Variants in RORA observed in about 807,000 individuals in gnomAD.
The protein encoded by RORA is RAR related orphan receptor A.
A neutral mutation model predicts 69.5 loss-of-function variants in RORA; 7 were observed. That is an observed-to-expected ratio of 0.10 (90% CI 0.06 to 0.19). The LOEUF (loss-of-function observed/expected upper bound fraction) is 0.19. RORA is among the 10% of genes least tolerant of loss of function. The pLI, the probability that RORA is intolerant of heterozygous loss-of-function variation, is 1.00. For synonymous variants in RORA, 261 were observed against 240.8 expected, an observed-to-expected ratio of 1.08 and a Z score of -0.78; for missense variants, 457 against 663.0, an observed-to-expected ratio of 0.69 and a Z score of 3.41.
intron 2 of RORA, among the ~76,000 whole-genome samples, chr15:60,665,867 G>A (rs2070371984): frequency 6.6e-6 from 1 of 152,056 alleles, no homozygotes; most frequent in Non-Finnish European, 1.5e-5. Context: ...TAAAGACGGG[G>A]TTTCCCCATG....
intron 1 of RORA, among the ~76,000 whole-genome samples, chr15:61,141,648 T>C (rs924779058): frequency 1.3e-5 from 2 of 152,094 alleles, no homozygotes; most frequent in African/African-American, 4.8e-5. Flanking sequence ...TACGGCTTGA[T>C]TTCATAAGGA....
At position 61,039,512 on chromosome 15, in the gene RORA, G is replaced by A. The variant is rs117072757; in HGVS notation, c.166+189541C>T. Among the ~76,000 whole-genome samples the A allele has an allele frequency of 4.3e-3, 656 of 152,090 alleles. 39 individuals are homozygous for A. In the East Asian group the frequency reaches 0.11, roughly 25 times the overall value. ...AGGCAGATCACGAGGTCATGAGTTC[G>A]AGGCAGGCAGATCACGAGGTCAGGA... On this transcript the variant is annotated intron_variant, in intron 1 of 10. Transcript: ENST00000335670.
chr15:60,793,719 T>C (rs1380987651), intron 1 of RORA, among the ~76,000 whole-genome samples: 5 of 152,212 alleles, frequency 3.3e-5, no homozygotes, highest in Non-Finnish European at 5.9e-5. Flanking sequence ...CATGTTTCAC[T>C]TGGGGGAGAA....
chr15:61,027,341 T>C (rs1895877344), intron 1 of RORA, among the ~76,000 whole-genome samples: 2 of 152,232 alleles, frequency 1.3e-5, no homozygotes, highest in Admixed American at 1.3e-4. Flanking sequence ...TACCTTTCTA[T>C]TGGAGCCATT....
chr15:60,685,521 T>C (rs1026919275), intron 1 of RORA, among the ~76,000 whole-genome samples: 17 of 152,140 alleles, frequency 1.1e-4, no homozygotes, highest in African/African-American at 4.1e-4. Flanking sequence ...ATTCTACACA[T>C]AGTCAAAAAG....
intron 1 of RORA, among the ~76,000 whole-genome samples, chr15:60,831,369 G>A (rs1170044719): frequency 6.6e-6 from 1 of 152,008 alleles, no homozygotes; most frequent in Non-Finnish European, 1.5e-5. Flanking sequence ...GTGTCCTCTG[G>A]CTCATTCTCT....
At chr15:60,890,143 G>A (rs1003921054) in intron 1 of RORA, among the ~76,000 whole-genome samples, 3 of 152,120 alleles carry the variant, frequency 2.0e-5, no homozygotes, top group African/African-American at 7.2e-5. Context: ...ACGCATCCCT[G>A]CATTATATCA....
intron 1 of RORA, among the ~76,000 whole-genome samples, chr15:60,747,308 C>T (rs930138797): frequency 6.6e-6 from 1 of 152,122 alleles, no homozygotes; most frequent in African/African-American, 2.4e-5. Context: ...ATGTTCAATG[C>T]TTCTTATCCA....
Position 60,488,540 on chromosome 15 carries a change from C to A in RORA, c.*8915G>T, listed in dbSNP as rs2064989150. ...TAAATTCAGGACTCAATAAAATAAA[C>A]AGCTGGAAATAAGCAGACTAGTGTA... On this transcript the variant is annotated 3_prime_UTR_variant, in exon 11 of 11. Coordinates refer to ENST00000335670, the MANE Select transcript of RORA (RefSeq NM_134261.3). 6.6e-6 allele frequency: 1 copy of A among 151,670 alleles called. No homozygotes were observed. 9.4% of individuals were successfully genotyped at this position (151,670 alleles called of 1,614,324 possible).
intron 5 of RORA, among the ~76,000 whole-genome samples, chr15:60,506,996 A>G (rs1441610101): frequency 6.6e-6 from 1 of 152,046 alleles, no homozygotes; most frequent in Admixed American, 6.6e-5. Context: ...TAAAAAAAAA[A>G]AAAGAAAATT....
At chr15:61,154,861 T>A (rs948657926) in intron 1 of RORA, among the ~76,000 whole-genome samples, 1 of 152,200 alleles carries the variant, frequency 6.6e-6, no homozygotes, top group Admixed American at 6.5e-5. Context: ...GAGAGTGGGC[T>A]GAGAAATGGG....
intron 1 of RORA, among the ~76,000 whole-genome samples, chr15:60,988,121 C>T (rs1044698182): frequency 6.6e-6 from 1 of 152,152 alleles, no homozygotes; most frequent in African/African-American, 2.4e-5. Context: ...TCTAAGTACC[C>T]AGGAAGTGAG....
chr15:61,103,446 CT>C (rs1190637128), intron 1 of RORA, among the ~76,000 whole-genome samples: 1 of 152,192 alleles, frequency 6.6e-6, no homozygotes, highest in Non-Finnish European at 1.5e-5. Context: ...GGGTTAAGAA[CT>C]TTCTCCAAGA....
intron 1 of RORA, among the ~76,000 whole-genome samples, chr15:60,894,712 C>G (rs1263424261): frequency 1.3e-5 from 2 of 152,210 alleles, no homozygotes; most frequent in African/African-American, 4.8e-5. Context: ...TGAGAATATG[C>G]ATTTCTAGCC....
At chr15:61,007,318 T>G (rs1351923799) in intron 1 of RORA, among the ~76,000 whole-genome samples, 1 of 152,184 alleles carries the variant, frequency 6.6e-6, no homozygotes, top group East Asian at 1.9e-4. Flanking sequence ...TGATAGGCAA[T>G]GTTTCTCACC....
At chr15:61,141,241 A>G (rs1466346873) in intron 1 of RORA, among the ~76,000 whole-genome samples, 2 of 152,240 alleles carry the variant, frequency 1.3e-5, no homozygotes, top group Non-Finnish European at 2.9e-5. Flanking sequence ...TATCTTATAC[A>G]TTAGGTTCTT....
Position 60,975,401 on chromosome 15 carries a change from C to T in RORA, c.166+253652G>A, listed in dbSNP as rs80094533. ...TTCCTTCCCAGGCTGAGTCCTGTCACTGTCAAGGCATCTTCCTGGATTTGT... is the reference window on the plus strand; with the variant it reads ...TTCCTTCCCAGGCTGAGTCCTGTCATTGTCAAGGCATCTTCCTGGATTTGT... On this transcript the variant is annotated intron_variant, in intron 1 of 10. Coordinates refer to ENST00000335670, the MANE Select transcript of RORA (RefSeq NM_134261.3). 5.0e-3 allele frequency among the ~76,000 whole-genome samples: 764 copies of T among 152,340 alleles called. 5 individuals are homozygous for T. The highest frequency in any genetic ancestry group is 0.02 in the Middle Eastern group (6 of 294).
intron 1 of RORA, among the ~76,000 whole-genome samples, chr15:61,127,445 CT>C (rs2079153104): frequency 6.6e-6 from 1 of 152,142 alleles, no homozygotes; most frequent in Admixed American, 6.5e-5. Context: ...ATGTTCACAC[CT>C]TTTCGGCTCT....
intron 3 of RORA, chr15:60,529,971 G>A (rs2066480818): frequency 6.6e-6 from 1 of 152,172 alleles, no homozygotes; most frequent in Non-Finnish European, 1.5e-5. Flanking sequence ...CTGGTATCCG[G>A]GATGCTGCCT....
Sources: allele counts gnomAD v4.1 joint callset (sites outside exome capture counted in the v4.1 genomes callset), GRCh38; gene constraint gnomAD v4.1.1; transcripts MANE v1.5; gene names NCBI Gene and HGNC (gene_info 2026-07-23, HGNC 2026-07-21).